The following SEMA5B variants were observed in gnomAD, a reference collection of about 807,000 sequenced individuals.
The protein encoded by SEMA5B is semaphorin 5B.
Under a neutral mutation model 135.0 loss-of-function variants are expected in SEMA5B, and 66 were observed. The observed-to-expected ratio is 0.49, with a 90% CI of 0.40 to 0.60. SEMA5B has a LOEUF of 0.60. SEMA5B is among the 20% of genes least tolerant of loss of function. SEMA5B has a pLI of 0.00. For missense variants in SEMA5B, 1,501 were observed against 1,566.3 expected, an observed-to-expected ratio of 0.96 and a Z score of 0.70; for synonymous variants, 690 against 639.5, an observed-to-expected ratio of 1.08 and a Z score of -1.19.
intron 1 of SEMA5B, among the ~76,000 whole-genome samples, chr3:122,967,215 A>C (rs1230291457): frequency 2.0e-5 from 3 of 152,172 alleles, no homozygotes; most frequent in Non-Finnish European, 2.9e-5. Context: ...AAGCCTTTAA[A>C]TGTGACAAAT....
At chr3:122,964,992 G>A (rs1289434484) in intron 1 of SEMA5B, among the ~76,000 whole-genome samples, 4 of 152,184 alleles carry the variant, frequency 2.6e-5, no homozygotes, top group Middle Eastern at 3.2e-3. Flanking sequence ...AGGGAGGGAG[G>A]GTGAGGAGGC....
At chr3:123,028,372 CA>C (rs750934127), upstream of SEMA5B, 4 of 152,348 alleles carry the variant, frequency 2.6e-5, no homozygotes, top group Non-Finnish European at 5.9e-5. Flanking sequence ...GTTAACCTTG[CA>C]AACTGTACGA....
At chr3:122,980,786 T>A (rs560955617) in intron 1 of SEMA5B, among the ~76,000 whole-genome samples, 2 of 152,340 alleles carry the variant, frequency 1.3e-5, no homozygotes, top group East Asian at 3.9e-4. Flanking sequence ...TTTTCCCTGC[T>A]GAAACTCTAC....
chr3:122,965,887 A>G (rs1017160358), intron 1 of SEMA5B, among the ~76,000 whole-genome samples: 1 of 152,222 alleles, frequency 6.6e-6, no homozygotes, highest in Non-Finnish European at 1.5e-5. Context: ...CCATGGCTAC[A>G]TGAGATGGGA....
chr3:122,980,056 C>G (rs1445726582), intron 1 of SEMA5B, among the ~76,000 whole-genome samples: 1 of 152,226 alleles, frequency 6.6e-6, no homozygotes, highest in African/African-American at 2.4e-5. Context: ...CTGACATCCC[C>G]CACTTAAAAA....
chr3:122,977,814 G>T (rs1251816535), intron 1 of SEMA5B, among the ~76,000 whole-genome samples: 1 of 152,250 alleles, frequency 6.6e-6, no homozygotes, highest in Non-Finnish European at 1.5e-5. Flanking sequence ...GATGCACTAG[G>T]CTTGGCACAA....
chr3:122,954,792 CTTTT>C (rs34786092), intron 2 of SEMA5B, among the ~76,000 whole-genome samples: 13 of 129,912 alleles, frequency 1.0e-4, no homozygotes, highest in Admixed American at 2.4e-4. Flanking sequence ...GGGTGGTCAT[CTTTT>C]TTTTTTTTTT....
intron 3 of SEMA5B, among the ~76,000 whole-genome samples, chr3:122,943,777 A>G (rs1314159414): frequency 6.6e-6 from 1 of 152,142 alleles, no homozygotes; most frequent in South Asian, 2.1e-4. Context: ...AGAGGCATGA[A>G]GGGATACTTA....
chr3:123,006,160 CA>C (rs1942303842), intron 1 of SEMA5B, among the ~76,000 whole-genome samples: 1 of 152,206 alleles, frequency 6.6e-6, no homozygotes, highest in Admixed American at 6.5e-5. Flanking sequence ...CTGGGAAAAG[CA>C]TTTCATCCAT....
chr3:122,942,831 G>T (rs1436438482), intron 4 of SEMA5B, among the ~76,000 whole-genome samples: 1 of 152,160 alleles, frequency 6.6e-6, no homozygotes, highest in Non-Finnish European at 1.5e-5. Context: ...GAGCTACTGG[G>T]GTCGGCCCTC....
chr3:122,950,997 G>C (rs1027857944), intron 2 of SEMA5B, among the ~76,000 whole-genome samples: 1 of 152,076 alleles, frequency 6.6e-6, no homozygotes, highest in African/African-American at 2.4e-5. Flanking sequence ...GCAGTGGCAC[G>C]ATCATGGCTC....
At chr3:123,023,298 A>G (rs1478555903) in intron 1 of SEMA5B, among the ~76,000 whole-genome samples, 5 of 151,376 alleles carry the variant, frequency 3.3e-5, no homozygotes, top group Admixed American at 2.0e-4. Context: ...AAGAAAACTC[A>G]TTCATTAGAA....
In SEMA5B at chr3:122,973,446, C is replaced by T. The variant is rs138219143; in HGVS notation, c.-38-12145G>A. On this transcript the variant is annotated intron_variant, in intron 1 of 22. Coordinates refer to ENST00000357599, the MANE Select transcript of SEMA5B (RefSeq NM_001031702.4). ...CAGCCTGGCGGGCAGTGGAGGGTGC[C>T]GCAGTCTGCTCCCTTTCCTCTTTTA... Among the ~76,000 whole-genome samples, 111 of 152,264 alleles carry T rather than the reference C, an allele frequency of 7.3e-4. 1 individual carries two copies. The highest frequency in any genetic ancestry group is 2.3e-3 in the African/African-American group (94 of 41,544).
At chr3:123,019,790 G>A (rs1044296984) in intron 1 of SEMA5B, among the ~76,000 whole-genome samples, 3 of 152,276 alleles carry the variant, frequency 2.0e-5, no homozygotes, top group African/African-American at 7.2e-5. Flanking sequence ...CTGAGCAGGT[G>A]AAAGGAAAAA....
intron 1 of SEMA5B, among the ~76,000 whole-genome samples, chr3:122,968,018 G>A (rs755530981): frequency 2.0e-5 from 3 of 152,198 alleles, no homozygotes; most frequent in Non-Finnish European, 2.9e-5. Context: ...CGTGTTCCAC[G>A]CTCTCCTGAC....
At position 122,911,051 on chromosome 3, in the gene SEMA5B, G is replaced by C. The variant is rs1937667700; in HGVS notation, c.3092-6C>G. ...CAAGTGGATGAGATTGAACCCTAGGGGAAGAGAGGCAGGTAGTAAGATGAG... is the reference window on the plus strand; with the variant it reads ...CAAGTGGATGAGATTGAACCCTAGGCGAAGAGAGGCAGGTAGTAAGATGAG... On this transcript the variant is annotated splice_region_variant and splice_polypyrimidine_tract_variant and intron_variant, in intron 21 of 22. Transcript: ENST00000357599. The C allele has an allele frequency of 6.2e-7, 1 of 1,607,924 alleles. No individual in the cohort carries two copies. Among genetic ancestry groups the C allele is most frequent in the Non-Finnish European group, 8.5e-7 (1 of 1,175,734 alleles).
At chr3:122,929,389 C>T (rs1415082703) in intron 5 of SEMA5B, among the ~76,000 whole-genome samples, 1 of 152,190 alleles carries the variant, frequency 6.6e-6, no homozygotes, top group African/African-American at 2.4e-5. Flanking sequence ...TGGAAGTGGC[C>T]GAAGGACCTT....
chr3:122,952,074 A>T (rs1940074109), intron 2 of SEMA5B, among the ~76,000 whole-genome samples: 1 of 151,874 alleles, frequency 6.6e-6, no homozygotes, highest in South Asian at 2.1e-4. Flanking sequence ...GACCCACAGC[A>T]CCTTTTTGAT....
chr3:122,927,910 G>T lies in SEMA5B; in HGVS notation c.730C>A (p.Gln244Lys). 1 of 1,595,698 alleles carries T rather than the reference G, an allele frequency of 6.3e-7. No individual in the cohort carries two copies. The highest frequency in any genetic ancestry group is 8.5e-7 in the Non-Finnish European group (1 of 1,170,460). ...ACCGTGGCTGCATAGAGCTCCCCCT[G>T]GGAGGAGATGACAGCTGTGGAGTTG... The part of the protein sequence containing the change: ...RHNSTAVISS[Q>K]GELYAATVID... Residue 244 changes from glutamine to lysine, a missense_variant, in exon 8 of 23, where the codon CAG (glutamine) becomes AAG (lysine). This residue lies in a region of SEMA5B where 574 missense variants were observed against 684.7 expected (regional missense o/e 0.84). Coordinates refer to ENST00000357599, the MANE Select transcript of SEMA5B (RefSeq NM_001031702.4).
Sources: allele counts gnomAD v4.1 joint callset (sites outside exome capture counted in the v4.1 genomes callset), GRCh38; gene constraint gnomAD v4.1.1; regional missense constraint gnomAD v4.1.1; transcripts MANE v1.5; gene names NCBI Gene and HGNC (gene_info 2026-07-23, HGNC 2026-07-21).